GSK3B: variants seen among roughly 807,000 people sequenced by gnomAD.
The protein encoded by GSK3B is glycogen synthase kinase-3 beta.
In GSK3B, 15 loss-of-function variants were observed where a neutral mutation model predicts 56.4. The ratio of observed to expected loss-of-function variants is 0.27; its 90% CI spans 0.18 to 0.41. The LOEUF (loss-of-function observed/expected upper bound fraction) is 0.41. Among genes scored for constraint, GSK3B ranks in the 10% least tolerant of loss-of-function variants. The probability of loss-of-function intolerance (pLI) is 1.00; values close to 1 mark genes in which losing one functional copy is unlikely to be tolerated. For synonymous variants in GSK3B, 181 were observed against 188.9 expected (o/e 0.96, Z 0.34); for missense variants, 300 against 513.4 (o/e 0.58, Z 4.02).
intron 2 of GSK3B, among the ~76,000 whole-genome samples, chr3:119,974,164 C>G (rs183646614): frequency 6.6e-6 from 1 of 152,252 alleles, no homozygotes; most frequent in East Asian, 1.9e-4. Flanking sequence ...AATGAAAAGT[C>G]ACACACTCTA....
intron 1 of GSK3B, among the ~76,000 whole-genome samples, chr3:120,078,914 T>TACACACACAC (rs57127586): frequency 0.012 from 1,718 of 138,276 alleles, 16 homozygotes; most frequent in African/African-American, 0.031. Context: ...GACAGGAAAT[T>TACACACACAC]ACACACACAC....
chr3:119,944,648 C>T (rs1372736096), intron 3 of GSK3B, among the ~76,000 whole-genome samples: 1 of 152,128 alleles, frequency 6.6e-6, no homozygotes, highest in Non-Finnish European at 1.5e-5. Context: ...CTTTATCCTA[C>T]TTTGTCAATG....
intron 3 of GSK3B, among the ~76,000 whole-genome samples, chr3:119,933,136 T>C (rs2056962840): frequency 6.6e-6 from 1 of 152,044 alleles, no homozygotes; most frequent in African/African-American, 2.4e-5. Flanking sequence ...CAGATGGTCA[T>C]AAAAATGGCC....
intron 2 of GSK3B, among the ~76,000 whole-genome samples, chr3:119,984,276 C>T (rs768120569): frequency 7.2e-5 from 11 of 151,788 alleles, no homozygotes; most frequent in Non-Finnish European, 5.9e-5. Context: ...AATTGACACC[C>T]TAACATCACA....
At chr3:120,047,868 T>C (rs1257633626) in intron 1 of GSK3B, among the ~76,000 whole-genome samples, 1 of 152,228 alleles carries the variant, frequency 6.6e-6, no homozygotes, top group African/African-American at 2.4e-5. Context: ...TAACTTGATC[T>C]GGGTGTTGTA....
At chr3:119,944,111 C>G (rs1479323172) in intron 3 of GSK3B, among the ~76,000 whole-genome samples, 1 of 152,136 alleles carries the variant, frequency 6.6e-6, no homozygotes, top group Non-Finnish European at 1.5e-5. Flanking sequence ...CCTAACCAAG[C>G]CTTTAATCTC....
chr3:119,950,282 A>G (rs1275850999), intron 2 of GSK3B, among the ~76,000 whole-genome samples: 5 of 152,236 alleles, frequency 3.3e-5, no homozygotes, highest in Non-Finnish European at 2.9e-5. Flanking sequence ...GCGTTACTTT[A>G]GAAATATCTA....
intron 7 of GSK3B, among the ~76,000 whole-genome samples, chr3:119,881,014 T>C (rs528596125): frequency 2.0e-5 from 3 of 152,306 alleles, no homozygotes; most frequent in South Asian, 4.1e-4. Flanking sequence ...GAAATTCTTA[T>C]ACCTCTAAAG....
At chr3:119,833,694 T>G (rs953047473) in intron 10 of GSK3B, among the ~76,000 whole-genome samples, 3 of 144,598 alleles carry the variant, frequency 2.1e-5, no homozygotes, top group African/African-American at 5.2e-5. Flanking sequence ...TAGGTTGTTT[T>G]TTTTTTTTTT....
intron 3 of GSK3B, among the ~76,000 whole-genome samples, chr3:119,926,907 C>T (rs953094040): frequency 1.3e-5 from 2 of 152,154 alleles, no homozygotes; most frequent in South Asian, 2.1e-4. Flanking sequence ...ACAACCCATT[C>T]CTCCACCTTC....
chr3:119,831,045 T>C (rs1236888484), intron 10 of GSK3B, among the ~76,000 whole-genome samples: 3 of 152,190 alleles, frequency 2.0e-5, no homozygotes, highest in African/African-American at 7.2e-5. Flanking sequence ...ACTAAGTATT[T>C]TGCAGTCATG....
intron 7 of GSK3B, among the ~76,000 whole-genome samples, chr3:119,884,944 CCACTCA>C (rs1190599226): frequency 2.6e-5 from 4 of 151,890 alleles, no homozygotes; most frequent in Admixed American, 1.3e-4. Context: ...ACAAGGATGC[CCACTCA>C]CCACTCCTAT....
rs370223868 is a variant in GSK3B at position 119,961,287 on chromosome 3, A to G, written c.283-13936T>C. Reference sequence around the variant, plus strand: ...CTGGCTCACCAAAGATTGTGTATATATAACAACAGCACTAATCTCTTCCTC... The same window carrying G: ...CTGGCTCACCAAAGATTGTGTATATGTAACAACAGCACTAATCTCTTCCTC... On this transcript the variant is annotated intron_variant, in intron 2 of 10. Transcript: ENST00000264235. Among the ~76,000 whole-genome samples the G allele has an allele frequency of 2.0e-4, 30 of 152,312 alleles. No homozygotes were observed. In the East Asian group the frequency reaches 4.4e-3, roughly 22 times the overall value.
At chr3:119,830,278 A>G (rs2055578834) in intron 10 of GSK3B, among the ~76,000 whole-genome samples, 1 of 152,222 alleles carries the variant, frequency 6.6e-6, no homozygotes, top group South Asian at 2.1e-4. Context: ...GACAACACAG[A>G]TTACCACCTT....
intron 3 of GSK3B, among the ~76,000 whole-genome samples, chr3:119,932,554 G>A (rs1460160641): frequency 6.6e-6 from 1 of 150,514 alleles, no homozygotes; most frequent in African/African-American, 2.5e-5. Flanking sequence ...GAAAACATGG[G>A]TATTTCTGCA....
intron 10 of GSK3B, among the ~76,000 whole-genome samples, chr3:119,833,690 GTTTTTTTTTT>G (rs902919136): frequency 1.3e-5 from 1 of 75,788 alleles, no homozygotes; most frequent in Non-Finnish European, 2.6e-5. Flanking sequence ...ACATTAGGTT[GTTTTTTTTTT>G]TTTTTTTTTT....
At chr3:119,831,338 A>G in intron 10 of GSK3B, among the ~76,000 whole-genome samples, 1 of 152,194 alleles carries the variant, frequency 6.6e-6, no homozygotes, top group East Asian at 1.9e-4. Context: ...GCACATTTCT[A>G]TTATCTGTAA....
At chr3:120,019,281 T>C (rs2057852728) in intron 1 of GSK3B, among the ~76,000 whole-genome samples, 1 of 152,164 alleles carries the variant, frequency 6.6e-6, no homozygotes, top group Non-Finnish European at 1.5e-5. Flanking sequence ...AAACAGTTCA[T>C]ATAAAAATAC....
chr3:119,884,027 C>A (rs931864625), intron 7 of GSK3B, among the ~76,000 whole-genome samples: 1 of 152,066 alleles, frequency 6.6e-6, no homozygotes, highest in East Asian at 1.9e-4. Context: ...GGTATAAGTG[C>A]TAGGTGGCTG....
Sources: allele counts gnomAD v4.1 joint callset (sites outside exome capture counted in the v4.1 genomes callset), GRCh38; gene constraint gnomAD v4.1.1; transcripts MANE v1.5; gene names NCBI Gene and HGNC (gene_info 2026-07-23, HGNC 2026-07-21).